CSF1R: variants seen among roughly 807,000 people sequenced by gnomAD.
CSF1R encodes the protein colony stimulating factor 1 receptor.
Under a neutral mutation model 110.0 loss-of-function variants are expected in CSF1R, and 40 were observed. That is an observed-to-expected ratio of 0.36 (90% CI 0.28 to 0.47). CSF1R has a LOEUF of 0.47. Among genes scored for constraint, CSF1R ranks in the 20% least tolerant of loss-of-function variants. The probability of loss-of-function intolerance (pLI) is 0.99; values close to 1 mark genes in which losing one functional copy is unlikely to be tolerated. For synonymous variants in CSF1R, 523 were observed against 503.4 expected, an observed-to-expected ratio of 1.04 and a Z score of -0.52; for missense variants, 1,052 against 1,253.0, an observed-to-expected ratio of 0.84 and a Z score of 2.42.
At chr5:150,106,536 T>C (rs981733533) in intron 1 of CSF1R, among the ~76,000 whole-genome samples, 2 of 152,192 alleles carry the variant, frequency 1.3e-5, no homozygotes, top group Admixed American at 1.3e-4. Flanking sequence ...ATTTGGCAAC[T>C]GGTTCCTCTT....
chr5:150,089,986 T>G (rs1041313239), upstream of CSF1R, among the ~76,000 whole-genome samples: 1 of 152,136 alleles, frequency 6.6e-6, no homozygotes, highest in East Asian at 1.9e-4. Flanking sequence ...TGCAGAAGAA[T>G]GAAGTTGAAT....
chr5:150,069,826 CG>C (rs1188370597), intron 9 of CSF1R, 46 bp downstream of exon 9: 10 of 1,357,698 alleles, frequency 7.4e-6, no homozygotes, highest in East Asian at 2.7e-5. Context: ...GGAGCAGGGG[CG>C]GGGGGCGGGC....
chr5:150,109,547 C>T (rs1010101), intron 1 of CSF1R, among the ~76,000 whole-genome samples: 75,636 of 152,026 alleles, frequency 0.5, 19,165 homozygotes, highest in East Asian at 0.85. Flanking sequence ...CTGTCTTCAA[C>T]TCTTCTCTGT....
intron 14 of CSF1R, chr5:150,058,243 G>T (rs1027414721): frequency 4.4e-6 from 2 of 456,296 alleles, no homozygotes. Context: ...GCCTGAGGTG[G>T]TGCACTTCCA....
At chr5:150,092,926 GTC>G (rs59570217) in intron 1 of CSF1R, among the ~76,000 whole-genome samples, 1 of 151,540 alleles carries the variant, frequency 6.6e-6, no homozygotes, top group African/African-American at 2.4e-5. Context: ...CGTGAATGTA[GTC>G]TCTCTCTCTC....
chr5:150,099,755 T>TGG (rs1759343253), intron 1 of CSF1R, among the ~76,000 whole-genome samples: 1 of 116,986 alleles, frequency 8.5e-6, no homozygotes, highest in African/African-American at 3.3e-5. Context: ...GGGTGGGGGG[T>TGG]TGGGGAATTT....
chr5:150,053,997 C>A lies in CSF1R; in HGVS notation c.*72G>T. 1 of 1,453,712 alleles carries A rather than the reference C, an allele frequency of 6.9e-7. No individual in the cohort carries two copies. The highest frequency in any genetic ancestry group is 1.8e-5 in the Admixed American group (1 of 54,732). The allele number at this position is 1,453,712 out of a possible 1,614,324, so 90.1% of individuals were successfully genotyped here. ...CCGAAGGCAGAGTTTGTATGTTCTC[C>A]CCGTGTCGCCCCATCCATGGAGGAG... On this transcript the variant is annotated 3_prime_UTR_variant, in exon 21 of 21. Coordinates refer to ENST00000675795, the MANE Select transcript of CSF1R (RefSeq NM_001288705.3).
At position 150,057,762 on chromosome 5, in the gene CSF1R, C is replaced by T. The variant is rs556537153; in HGVS notation, c.2133-170G>A. Among the ~76,000 whole-genome samples the T allele has an allele frequency of 3.2e-4, 48 of 152,326 alleles. 1 individual carries two copies. Among genetic ancestry groups the T allele is most frequent in the African/African-American group, 8.9e-4 (37 of 41,558 alleles). ...GCATTGGTCTCTGCTCGGCTGTCCC[C>T]GGTGAGGGAGCTTACAACCCATTCT... On this transcript the variant is annotated intron_variant, in intron 14 of 20. Transcript: ENST00000675795.
intron 1 of CSF1R, among the ~76,000 whole-genome samples, chr5:150,091,874 A>T (rs930628328): frequency 3.2e-4 from 48 of 151,172 alleles, no homozygotes; most frequent in African/African-American, 1.1e-3. Flanking sequence ...AAAAAAAAAA[A>T]AAAAATCCTA....
chr5:150,109,170 A>G (rs886791100), intron 1 of CSF1R, among the ~76,000 whole-genome samples: 4 of 151,436 alleles, frequency 2.6e-5, no homozygotes, highest in African/African-American at 9.7e-5. Context: ...CTGGACCTAG[A>G]CACCCCCGGG....
At chr5:150,097,385 A>T (rs1295504077) in intron 1 of CSF1R, among the ~76,000 whole-genome samples, 1 of 151,830 alleles carries the variant, frequency 6.6e-6, no homozygotes, top group Non-Finnish European at 1.5e-5. Flanking sequence ...GAAAGAAGGA[A>T]AAGAAAGGAA....
intron 6 of CSF1R, among the ~76,000 whole-genome samples, chr5:150,071,263 G>A (rs927847528): frequency 6.6e-6 from 1 of 152,120 alleles, no homozygotes; most frequent in Non-Finnish European, 1.5e-5. Context: ...ATCTTTGGCT[G>A]ATTCTGGGAA....
chr5:150,083,471 C>A (rs1581328319), intron 1 of CSF1R, among the ~76,000 whole-genome samples: 1 of 151,512 alleles, frequency 6.6e-6, no homozygotes, highest in Non-Finnish European at 1.5e-5. Flanking sequence ...AGAGAGCCCC[C>A]CTCTCTCTCT....
chr5:150,077,433 G>A lies in CSF1R; in HGVS notation c.732C>T (p.Leu244=), dbSNP rs755892564. ...GAAAGTCAGATTGTTGAGGGATTGC[G>A]AGCTGCAGCCAGAAGGAATGGAGAT... ...DVFLQHNNTK[L]AIPQQSDFHN... The change falls in exon 5 of 21, where the codon CTC becomes CTT. Residue 244 remains leucine, a splice_region_variant and synonymous_variant. Transcript: ENST00000675795. The A allele has an allele frequency of 2.7e-5, 44 of 1,610,498 alleles. No homozygotes were observed. Among genetic ancestry groups the A allele is most frequent in the Non-Finnish European group, 3.1e-5 (37 of 1,177,006 alleles).
chr5:150,059,581 C>G, intron 14 of CSF1R, 119 bp downstream of exon 14: 1 of 1,172,802 alleles, frequency 8.5e-7, no homozygotes, highest in Non-Finnish European at 1.2e-6. Flanking sequence ...ACACAGGTGG[C>G]AGGTGAGGGC....
At chr5:150,064,858 G>GC (rs1158598395) in intron 10 of CSF1R, among the ~76,000 whole-genome samples, 1 of 152,130 alleles carries the variant, frequency 6.6e-6, no homozygotes, top group African/African-American at 2.4e-5. Flanking sequence ...ACCCTCCCCT[G>GC]CCCCTGCTGG....
rs6866298 is a variant in CSF1R, at chr5:150,060,025, T to C, written c.1970-163A>G. 0.81 allele frequency among the ~76,000 whole-genome samples: 123,336 copies of C among 152,080 alleles called. 50,581 individuals are homozygous for C. Among genetic ancestry groups the C allele is most frequent in the African/African-American group, 0.95 (39,239 of 41,504 alleles). On this transcript the variant is annotated intron_variant, in intron 13 of 20. Transcript: ENST00000675795. ...TTTCCTTGTGCCTCAGTAGTTCCAT[T>C]TGTTTAAAACAGATGGCTTTGGCGG...
intron 10 of CSF1R, among the ~76,000 whole-genome samples, chr5:150,065,810 T>C (rs1203919720): frequency 6.6e-6 from 1 of 151,936 alleles, no homozygotes; most frequent in Non-Finnish European, 1.5e-5. Flanking sequence ...AGTGTGGAGG[T>C]GACATGTTCC....
intron 1 of CSF1R, among the ~76,000 whole-genome samples, chr5:150,109,028 G>T (rs562138689): frequency 7.6e-4 from 113 of 147,852 alleles, no homozygotes; most frequent in Non-Finnish European, 1.2e-3. Flanking sequence ...GCCCAGAGCG[G>T]CCCCAGAACC....
Sources: allele counts gnomAD v4.1 joint callset (sites outside exome capture counted in the v4.1 genomes callset), GRCh38; gene constraint gnomAD v4.1.1; transcripts MANE v1.5; gene names NCBI Gene and HGNC (gene_info 2026-07-23, HGNC 2026-07-21).